Variants in IRF2 observed in about 807,000 individuals in gnomAD.
The protein encoded by IRF2 is interferon regulatory factor 2.
IRF2 carries 15 observed loss-of-function variants against 40.6 expected under a neutral mutation model. The ratio of observed to expected loss-of-function variants is 0.37; its 90% CI spans 0.25 to 0.57. The LOEUF (loss-of-function observed/expected upper bound fraction) is 0.57, where lower values mean the gene tolerates loss of function less well. IRF2 is among the 20% of genes least tolerant of loss of function. The probability of loss-of-function intolerance (pLI) is 0.77; values close to 1 mark genes in which losing one functional copy is unlikely to be tolerated. For synonymous variants in IRF2, 151 were observed against 165.5 expected, an observed-to-expected ratio of 0.91 and a Z score of 0.67; for missense variants, 317 against 455.7, an observed-to-expected ratio of 0.70 and a Z score of 2.77.
At chr4:184,456,801 C>T (rs1388928606) in intron 1 of IRF2, among the ~76,000 whole-genome samples, 1 of 152,252 alleles carries the variant, frequency 6.6e-6, no homozygotes, top group African/African-American at 2.4e-5. Context: ...TCCTGTGGCT[C>T]GGCCCTCCAC....
chr4:184,400,913 A>G (rs918191482), intron 6 of IRF2, among the ~76,000 whole-genome samples: 8 of 152,248 alleles, frequency 5.3e-5, no homozygotes, highest in African/African-American at 1.9e-4. Context: ...AATAATTCCC[A>G]AGGTCCTCAA....
chr4:184,470,583 C>T (rs1470979516), intron 1 of IRF2, among the ~76,000 whole-genome samples: 1 of 150,786 alleles, frequency 6.6e-6, no homozygotes, highest in Non-Finnish European at 1.5e-5. Context: ...CCCAACTACT[C>T]GGGAAGCTGA....
Position 184,446,653 on chromosome 4 carries a change from A to G in IRF2, c.-6-17583T>C, listed in dbSNP as rs535216399. Among the ~76,000 whole-genome samples the G allele has an allele frequency of 8.0e-4, 122 of 152,346 alleles. No individual in the cohort carries two copies. The South Asian group carries it at 0.024, about 30-fold the overall frequency. ...CACTAGAATAGGAGGACTTGATTTG[A>G]ATTTGTGCTTTTTCATATATCTCAA... On this transcript the variant is annotated intron_variant, in intron 1 of 8. Transcript: ENST00000393593.
intron 1 of IRF2, among the ~76,000 whole-genome samples, chr4:184,464,125 T>C (rs1030971126): frequency 6.6e-6 from 1 of 152,238 alleles, no homozygotes; most frequent in Non-Finnish European, 1.5e-5. Flanking sequence ...GTACAGCATA[T>C]GAAGACAGCG....
intron 1 of IRF2, among the ~76,000 whole-genome samples, chr4:184,431,556 GA>G (rs755133213): frequency 6.6e-6 from 1 of 152,128 alleles, no homozygotes; most frequent in Non-Finnish European, 1.5e-5. Flanking sequence ...CTTCCCTCTG[GA>G]AAAGACCTCA....
At chr4:184,472,680 G>C (rs1180440648) in intron 1 of IRF2, 1 of 152,228 alleles carries the variant, frequency 6.6e-6, no homozygotes, top group African/African-American at 2.4e-5. Context: ...TGAAGAGGGA[G>C]GGGGCGGGCA....
At chr4:184,428,912 G>A in intron 2 of IRF2, 66 bp downstream of exon 2, 1 of 1,227,172 alleles carries the variant, frequency 8.1e-7, no homozygotes. Context: ...TTTACTTTCA[G>A]CAGTCCGCAT....
At chr4:184,423,480 C>T (rs539904810) in intron 2 of IRF2, among the ~76,000 whole-genome samples, 1 of 152,288 alleles carries the variant, frequency 6.6e-6, no homozygotes, top group South Asian at 2.1e-4. Context: ...AATTAGTGTG[C>T]TATTTTTGTC....
chr4:184,390,250 G>A (rs1736207777), intron 8 of IRF2, among the ~76,000 whole-genome samples: 1 of 152,168 alleles, frequency 6.6e-6, no homozygotes, highest in African/African-American at 2.4e-5. Context: ...AATCGAGATG[G>A]GGCACACAAC....
At chr4:184,405,369 C>G (rs552729125) in intron 6 of IRF2, among the ~76,000 whole-genome samples, 5 of 152,216 alleles carry the variant, frequency 3.3e-5, no homozygotes, top group Non-Finnish European at 5.9e-5. Context: ...GGAACTGCCA[C>G]GTGTCCACCC....
At chr4:184,419,394 G>T (rs1191059079) in intron 3 of IRF2, 75 bp downstream of exon 3, 2 of 992,354 alleles carry the variant, frequency 2.0e-6, no homozygotes, top group Admixed American at 1.9e-5. Context: ...CATAAGCCAG[G>T]CTATTTTATG....
chr4:184,439,995 G>A (rs1014852158), intron 1 of IRF2, among the ~76,000 whole-genome samples: 2 of 152,188 alleles, frequency 1.3e-5, no homozygotes, highest in Admixed American at 6.5e-5. Flanking sequence ...GTGTGTTAAC[G>A]TTCACCCAGA....
At chr4:184,446,382 T>C (rs1327219688) in intron 1 of IRF2, among the ~76,000 whole-genome samples, 1 of 152,094 alleles carries the variant, frequency 6.6e-6, no homozygotes, top group South Asian at 2.1e-4. Context: ...CAAAAGCCCA[T>C]GTGGGCAGTG....
chr4:184,446,856 G>A (rs1262622599), intron 1 of IRF2, among the ~76,000 whole-genome samples: 1 of 152,082 alleles, frequency 6.6e-6, no homozygotes, highest in Non-Finnish European at 1.5e-5. Flanking sequence ...TCGGGAGGCT[G>A]AGGCAGGGAG....
At chr4:184,429,098 C>T (rs369713269) in intron 1 of IRF2, 28 bp from the exon 2 acceptor site, 144 of 1,549,856 alleles carry the variant, frequency 9.3e-5, no homozygotes, top group Admixed American at 1.2e-4. Flanking sequence ...CAGCGTCAGG[C>T]GTTGGTGCCA....
chr4:184,416,328 C>CAAACAAAAAAAAAA (rs1737268915), intron 5 of IRF2, among the ~76,000 whole-genome samples: 1 of 100,174 alleles, frequency 1.0e-5, no homozygotes, highest in Non-Finnish European at 2.0e-5. Flanking sequence ...AAAAAAAAAA[C>CAAACAAAAAAAAAA]AAAAAAAAAA....
chr4:184,418,068 A>T (rs1164246495), intron 5 of IRF2, 99 bp downstream of exon 5: 1 of 859,246 alleles, frequency 1.2e-6, no homozygotes, highest in Non-Finnish European at 2.0e-6. Flanking sequence ...AGGAAGAAAG[A>T]GGACACACTG....
At chr4:184,471,433 T>C (rs1397047410) in intron 1 of IRF2, among the ~76,000 whole-genome samples, 7 of 152,360 alleles carry the variant, frequency 4.6e-5, no homozygotes, top group Non-Finnish European at 7.3e-5. Context: ...AGGATATTTA[T>C]TGAGTGTGTA....
intron 3 of IRF2, among the ~76,000 whole-genome samples, chr4:184,419,215 C>T (rs1319700994): frequency 3.9e-5 from 6 of 152,072 alleles, no homozygotes; most frequent in Non-Finnish European, 8.8e-5. Flanking sequence ...TTCTATTCCC[C>T]GGTAACACCT....
Sources: allele counts gnomAD v4.1 joint callset (sites outside exome capture counted in the v4.1 genomes callset), GRCh38; gene constraint gnomAD v4.1.1; transcripts MANE v1.5; gene names NCBI Gene and HGNC (gene_info 2026-07-23, HGNC 2026-07-21).